Variants in CNTN4 observed in about 807,000 individuals in gnomAD.
The protein encoded by CNTN4 is contactin 4.
In CNTN4, 77 loss-of-function variants were observed where a neutral mutation model predicts 122.5. The ratio of observed to expected loss-of-function variants is 0.63; its 90% CI spans 0.52 to 0.76. CNTN4 has a LOEUF of 0.76. CNTN4 is among the 30% of genes least tolerant of loss of function. The pLI, the probability that CNTN4 is intolerant of heterozygous loss-of-function variation, is 0.00. For synonymous variants in CNTN4, 512 were observed against 447.0 expected (o/e 1.15, Z -1.83); for missense variants, 1,256 against 1,259.1 (o/e 1.00, Z 0.04).
intron 5 of CNTN4, among the ~76,000 whole-genome samples, chr3:2,743,624 T>G (rs1254231431): frequency 6.6e-6 from 1 of 152,130 alleles, no homozygotes; most frequent in African/African-American, 2.4e-5. Context: ...AGCAAAGAAG[T>G]GAAATATTTA....
At chr3:2,782,163 T>C (rs1341833528) in intron 6 of CNTN4, among the ~76,000 whole-genome samples, 2 of 151,972 alleles carry the variant, frequency 1.3e-5, no homozygotes, top group Non-Finnish European at 2.9e-5. Context: ...GTGTTGATGT[T>C]AATGGCGGAG....
intron 13 of CNTN4, among the ~76,000 whole-genome samples, chr3:2,979,063 G>A (rs897954177): frequency 2.0e-5 from 3 of 152,210 alleles, no homozygotes; most frequent in African/African-American, 7.2e-5. Flanking sequence ...CAAGCAAAAC[G>A]TGATAGCTCT....
chr3:2,109,211 T>G (rs6774897), intron 2 of CNTN4, among the ~76,000 whole-genome samples: 2 of 151,878 alleles, frequency 1.3e-5, no homozygotes, highest in Non-Finnish European at 2.9e-5. Flanking sequence ...AGGTCAGTAT[T>G]GGTGCATAAC....
chr3:3,040,022 T>C lies in CNTN4; in HGVS notation c.2164-15T>C, dbSNP rs780314309. ...ACTACTGTGATTTCTGAAGACCACCTTCCTTCTTTCCCAGACGGTCCCTGA... is the reference window on the plus strand; with the variant it reads ...ACTACTGTGATTTCTGAAGACCACCCTCCTTCTTTCCCAGACGGTCCCTGA... On this transcript the variant is annotated splice_polypyrimidine_tract_variant and intron_variant, in intron 19 of 24. Coordinates refer to ENST00000418658, the MANE Select transcript of CNTN4 (RefSeq NM_175607.3). 1 of 1,570,962 alleles carries C rather than the reference T, an allele frequency of 6.4e-7. No homozygotes were observed.
chr3:2,251,529 A>C (rs1363291601), intron 2 of CNTN4, among the ~76,000 whole-genome samples: 3 of 151,876 alleles, frequency 2.0e-5, no homozygotes, highest in Non-Finnish European at 4.4e-5. Flanking sequence ...GACTTTTATA[A>C]GAAAATGAAA....
At chr3:2,568,781 C>G (rs564619085) in intron 3 of CNTN4, among the ~76,000 whole-genome samples, 3 of 152,222 alleles carry the variant, frequency 2.0e-5, no homozygotes, top group African/African-American at 7.2e-5. Context: ...TAAATAAATG[C>G]CAATAGGATT....
intron 4 of CNTN4, among the ~76,000 whole-genome samples, chr3:2,668,343 T>C (rs1440068572): frequency 6.6e-6 from 1 of 152,190 alleles, no homozygotes. Flanking sequence ...TATTTTATTC[T>C]CTTTGAAGCA....
chr3:2,225,045 G>T (rs1026354813), intron 2 of CNTN4, among the ~76,000 whole-genome samples: 2 of 151,822 alleles, frequency 1.3e-5, no homozygotes, highest in African/African-American at 4.8e-5. Flanking sequence ...AGCTACTCGG[G>T]AGGCTGAGGC....
At chr3:2,259,358 A>G (rs1280269670) in intron 2 of CNTN4, among the ~76,000 whole-genome samples, 1 of 152,192 alleles carries the variant, frequency 6.6e-6, no homozygotes, top group Non-Finnish European at 1.5e-5. Flanking sequence ...ATTCTTATTT[A>G]GTTATTCTCA....
intron 14 of CNTN4, among the ~76,000 whole-genome samples, chr3:3,008,580 A>G (rs1443036114): frequency 2.6e-5 from 4 of 152,188 alleles, no homozygotes; most frequent in African/African-American, 7.2e-5. Flanking sequence ...TCTCTAAGCT[A>G]TAGATTCTGC....
At chr3:2,750,066 G>T (rs903095647) in intron 6 of CNTN4, among the ~76,000 whole-genome samples, 1 of 152,058 alleles carries the variant, frequency 6.6e-6, no homozygotes, top group Non-Finnish European at 1.5e-5. Context: ...AGACATTAAA[G>T]GTCTCCTGGC....
At chr3:2,758,849 C>G (rs564144835) in intron 6 of CNTN4, among the ~76,000 whole-genome samples, 2 of 152,150 alleles carry the variant, frequency 1.3e-5, no homozygotes, top group South Asian at 4.2e-4. Context: ...GTTAAGATAC[C>G]ATACCATACA....
At chr3:2,481,357 T>TA (rs2076000679) in intron 3 of CNTN4, among the ~76,000 whole-genome samples, 1 of 152,040 alleles carries the variant, frequency 6.6e-6, no homozygotes, top group Non-Finnish European at 1.5e-5. Flanking sequence ...GCCAGACTGA[T>TA]CTCAAACTTC....
In CNTN4 at chr3:2,403,463, G is replaced by A. The variant is rs116691187; in HGVS notation, c.-89+64230G>A. 3.8e-3 allele frequency among the ~76,000 whole-genome samples: 585 copies of A among 152,152 alleles called. 4 individuals carry two copies. The highest frequency in any genetic ancestry group is 0.014 in the African/African-American group (572 of 41,534). ...GACCATGATGTTTCTGGATCTTCCC[G>A]TCCCTCTGTCCCTGCTCTTCCTGTA... On this transcript the variant is annotated intron_variant, in intron 3 of 24. Transcript: ENST00000418658.
At chr3:2,419,005 G>C (rs1502588) in intron 3 of CNTN4, among the ~76,000 whole-genome samples, 43,560 of 152,190 alleles carry the variant, frequency 0.29, 6,788 homozygotes, top group Admixed American at 0.39. Context: ...AATCTTATGG[G>C]AAAAGTCAAA....
chr3:2,996,269 T>A (rs1421572532), intron 14 of CNTN4, among the ~76,000 whole-genome samples: 1 of 152,166 alleles, frequency 6.6e-6, no homozygotes, highest in Admixed American at 6.5e-5. Flanking sequence ...TGAGCACATA[T>A]TGGTAAATTT....
intron 2 of CNTN4, among the ~76,000 whole-genome samples, chr3:2,210,452 G>T (rs2038565301): frequency 6.6e-6 from 1 of 152,014 alleles, no homozygotes; most frequent in Non-Finnish European, 1.5e-5. Flanking sequence ...CTTCCTTAAT[G>T]GTCTCCTTAC....
intron 4 of CNTN4, among the ~76,000 whole-genome samples, chr3:2,726,331 G>A (rs1404804168): frequency 6.6e-6 from 1 of 152,180 alleles, no homozygotes; most frequent in Non-Finnish European, 1.5e-5. Context: ...CAGGCCAATT[G>A]ATAATGTATA....
intron 4 of CNTN4, among the ~76,000 whole-genome samples, chr3:2,728,421 G>A (rs1265133375): frequency 6.6e-6 from 1 of 152,162 alleles, no homozygotes; most frequent in Non-Finnish European, 1.5e-5. Context: ...AAAGAGTAAT[G>A]GTTCTTCCCA....
Sources: gnomAD v4.1 joint callset for allele counts (sites outside exome capture counted in the v4.1 genomes callset) on GRCh38, gnomAD v4.1.1 for gene constraint, MANE v1.5 for transcripts, NCBI Gene and HGNC (gene_info 2026-07-23, HGNC 2026-07-21) for gene names.